Variants in KRT34 observed in about 807,000 individuals in gnomAD.
KRT34 encodes keratin 34.
Under a neutral mutation model 41.7 loss-of-function variants are expected in KRT34, and 31 were observed. The observed-to-expected ratio is 0.74, with a 90% confidence interval of 0.56 to 1.00. The LOEUF (loss-of-function observed/expected upper bound fraction) is 1.00. Ranked by LOEUF, KRT34 falls within the 50% of genes least tolerant of loss-of-function variation. The pLI, the probability that KRT34 is intolerant of heterozygous loss-of-function variation, is 0.00. For synonymous variants in KRT34, 224 were observed against 212.9 expected (o/e 1.05, Z -0.45); for missense variants, 523 against 500.3 (o/e 1.05, Z -0.43).
chr17:41,379,412 T>A lies in KRT34; in HGVS notation c.817A>T (p.Ile273Phe), dbSNP rs539254974. ...EQLQSCQAEIIELRRTVNALE... is the reference protein window; with the variant it reads ...EQLQSCQAEIFELRRTVNALE... ...GCGTTGACTGTGCGTCTCAGCTCGA[T>A]GATCTCCGCCTGGCAGGACTGCAGC... is the stretch of plus-strand genomic sequence containing the variant. Residue 273 changes from isoleucine (I) to phenylalanine (F), a missense_variant, in exon 5 of 7, where the codon ATC becomes TTC. Transcript: ENST00000394001. The A allele has an allele frequency of 5.6e-6, 9 of 1,613,844 alleles. No individual in the cohort carries two copies. Among genetic ancestry groups the A allele is most frequent in the Non-Finnish European group, 7.6e-6 (9 of 1,180,048 alleles).
chr17:41,383,045 A>G (rs2018027814), upstream of KRT34, among the ~76,000 whole-genome samples: 1 of 150,284 alleles, frequency 6.7e-6, no homozygotes. Context: ...TTTGAGACAG[A>G]GTCTCACTCT....
rs190605595 is a variant in KRT34 at position 41,381,224 on chromosome 17, G to A, written c.432-12C>T. The A allele has an allele frequency of 9.3e-6, 15 of 1,609,180 alleles. No individual in the cohort carries two copies. The highest frequency in any genetic ancestry group is 5.5e-5 in the South Asian group (5 of 90,554). On this transcript the variant is annotated splice_polypyrimidine_tract_variant and intron_variant, in intron 2 of 6. Coordinates refer to ENST00000394001, the MANE Select transcript of KRT34 (RefSeq NM_001386014.1). ...GCTCCGTCTGGTACCTGCACGTGTCGGAGTGGGAGGATAAGTCAGGAAAGA... is the reference window on the plus strand; with the variant it reads ...GCTCCGTCTGGTACCTGCACGTGTCAGAGTGGGAGGATAAGTCAGGAAAGA...
At chr17:41,382,969 G>A (rs146991090), upstream of KRT34, among the ~76,000 whole-genome samples, 123 of 152,064 alleles carry the variant, frequency 8.1e-4, no homozygotes, top group African/African-American at 2.8e-3. Context: ...CAGCCCACAC[G>A]TCAAGTTTAC....
In KRT34 at chr17:41,381,179, CACCA is replaced by C; in HGVS notation, c.461_464del (p.Leu154TrpfsTer15). On this transcript the variant is annotated frameshift_variant, in exon 3 of 7. Transcript: ENST00000394001. LOFTEE classifies it high-confidence loss of function. ...TGCGTATGCTGTTGATGTCCGACTC[CACCA>C]ACAGCCTCAGGGACTGCTCCGTCTG... 1 of 1,614,196 alleles carries C rather than the reference CACCA, an allele frequency of 6.2e-7. No homozygotes were observed. The highest frequency in any genetic ancestry group is 8.5e-7 in the Non-Finnish European group (1 of 1,180,030).
At chr17:41,382,352 T>G, upstream of KRT34, 2 of 1,612,264 alleles carry the variant, frequency 1.2e-6, no homozygotes, top group Non-Finnish European at 1.7e-6. Flanking sequence ...TAATTGTGGG[T>G]GGGGGCTTGG....
At chr17:41,379,222 G>T (rs898886072) in intron 5 of KRT34, 46 bp from the exon 6 acceptor site, 2 of 1,611,890 alleles carry the variant, frequency 1.2e-6, no homozygotes, top group Non-Finnish European at 1.7e-6. Context: ...CTCCTTCAAA[G>T]GGTTTCTTCA....
At position 41,377,986 on chromosome 17, in the gene KRT34, T is replaced by G; in HGVS notation, c.*73A>C. On this transcript the variant is annotated 3_prime_UTR_variant, in exon 7 of 7. Coordinates refer to ENST00000394001, the MANE Select transcript of KRT34 (RefSeq NM_001386014.1). Reference sequence around the variant, plus strand: ...TGATGTCAGCTGAGCTCCAGAAAAGTCAGGACTTGAGGATCCTTCCTGTGG... The same window carrying G: ...TGATGTCAGCTGAGCTCCAGAAAAGGCAGGACTTGAGGATCCTTCCTGTGG... 1.8e-6 allele frequency: 2 copies of G among 1,115,324 alleles called. No homozygotes were observed. Among genetic ancestry groups the G allele is most frequent in the Non-Finnish European group, 2.7e-6 (2 of 736,420 alleles). 69.1% of individuals were successfully genotyped at this position (1,115,324 alleles called of 1,614,324 possible).
intron 3 of KRT34, among the ~76,000 whole-genome samples, chr17:41,380,029 G>A (rs1454358479): frequency 6.6e-6 from 1 of 152,202 alleles, no homozygotes; most frequent in Non-Finnish European, 1.5e-5. Flanking sequence ...GGGAGGCAGA[G>A]GCAGGTGGAT....
intron 3 of KRT34, among the ~76,000 whole-genome samples, chr17:41,380,026 A>G (rs1567676421): frequency 6.6e-6 from 1 of 152,244 alleles, no homozygotes; most frequent in East Asian, 1.9e-4. Context: ...TTTGGGAGGC[A>G]GAGGCAGGTG....
rs200529690 is a variant in KRT34, at chr17:41,379,046, T to G, written c.1007A>C (p.Asn336Thr). ...AEIRCDLERQ[N>T]QEYQVLLDVR... ...GTCCAGCAGCACCTGGTACTCCTGG[T>G]TCTGCCGCTCCAGGTCACAGCGGAT... Residue 336 changes from asparagine (N) to threonine (T), a missense_variant, in exon 6 of 7, where the codon AAC (asparagine) becomes ACC (threonine). Asn to Thr is a moderately conservative substitution (Grantham distance 65). Transcript: ENST00000394001. The G allele has an allele frequency of 2.5e-6, 4 of 1,614,106 alleles. No individual in the cohort carries two copies. The African/African-American group carries it at 5.3e-5, about 22-fold the overall frequency.
chr17:41,381,406 A>G (rs2017982278), intron 2 of KRT34, among the ~76,000 whole-genome samples, 194 bp from the exon 3 acceptor site: 1 of 152,192 alleles, frequency 6.6e-6, no homozygotes, highest in Non-Finnish European at 1.5e-5. Flanking sequence ...CGAGGAGCCC[A>G]CAGGCACACA....
At position 41,381,256 on chromosome 17, in the gene KRT34, C is replaced by T. The variant is rs560725535; in HGVS notation, c.432-44G>A. The stretch of plus-strand genomic sequence containing the variant: ...GAGGATAAGTCAGGAAAGAAAACCA[C>T]CTTCCCCTCTCATGTGTTGTTTGGG... On this transcript the variant is annotated intron_variant, in intron 2 of 6. Transcript: ENST00000394001. The T allele has an allele frequency of 2.5e-6, 4 of 1,591,426 alleles. No homozygotes were observed. In the South Asian group the frequency reaches 3.4e-5, roughly 13 times the overall value.
At position 41,382,220 on chromosome 17, in the gene KRT34, G is replaced by T. The variant is rs953860705; in HGVS notation, c.27C>A (p.Ser9Arg). 1 of 1,612,574 alleles carries T rather than the reference G, an allele frequency of 6.2e-7. No individual in the cohort carries two copies. The highest frequency in any genetic ancestry group is 8.5e-7 in the Non-Finnish European group (1 of 1,180,034). Residue 9 changes from serine (S) to arginine (R), a missense_variant, in exon 1 of 7, where the codon AGC becomes AGA. Transcript: ENST00000394001. Reference protein sequence around the residue: MSYSCCLPSLGCRTSCSSR... With the variant: MSYSCCLPRLGCRTSCSSR... ...AGGAGCAGCTGGTGCGGCAGCCCAG[G>T]CTGGGCAGGCAACAACTGTAAGACA...
Position 41,378,143 on chromosome 17 carries a change from G to A in KRT34, c.1101C>T (p.Leu367=), listed in dbSNP as rs777918849. The A allele has an allele frequency of 6.2e-7, 1 of 1,612,546 alleles. No individual in the cohort carries two copies. The highest frequency in any genetic ancestry group is 1.3e-5 in the African/African-American group (1 of 75,008). The change falls in exon 7 of 7, where the codon CTC becomes CTT. Residue 367 remains leucine (L), a synonymous_variant. Transcript: ENST00000394001. ...RSLLESEDCK[L]PCNPCATTNA... ...TGGTGGTGGCGCATGGGTTGCAGGG[G>A]AGCCTAGGAGGACAAGGAGGTTTAG... is the stretch of plus-strand genomic sequence containing the variant.
chr17:41,381,231 G>C lies in KRT34; in HGVS notation c.432-19C>G. The C allele has an allele frequency of 5.0e-6, 8 of 1,608,216 alleles. No individual in the cohort carries two copies. The highest frequency in any genetic ancestry group is 6.8e-6 in the Non-Finnish European group (8 of 1,176,450). On this transcript the variant is annotated intron_variant, in intron 2 of 6. Transcript: ENST00000394001. ...CTGGTACCTGCACGTGTCGGAGTGG[G>C]AGGATAAGTCAGGAAAGAAAACCAC...
intron 5 of KRT34, 56 bp downstream of exon 5, chr17:41,379,297 C>T (rs916160951): frequency 1.5e-5 from 24 of 1,611,494 alleles, no homozygotes; most frequent in African/African-American, 5.3e-5. Context: ...AGCACATCCC[C>T]GGGACTCTGC....
At chr17:41,378,814 T>G (rs1232010691) in intron 6 of KRT34, 142 bp downstream of exon 6, 2 of 1,227,882 alleles carry the variant, frequency 1.6e-6, no homozygotes, top group African/African-American at 2.9e-5. Context: ...GGCCTCCCTT[T>G]GCTTAGCTAT....
Position 41,382,202 on chromosome 17 carries a change from G to T in KRT34, c.45C>A (p.Ser15Arg), listed in dbSNP as rs766918148. The change falls in exon 1 of 7, where the codon AGC becomes AGA. Residue 15 changes from serine (S) to arginine (R), a missense_variant. Transcript: ENST00000394001. ...CCLPSLGCRT[S>R]CSSRPCVPPS... ...GGGGCACGCAGGGCCGGGAGGAGCAGCTGGTGCGGCAGCCCAGGCTGGGCA... is the reference window on the plus strand; with the variant it reads ...GGGGCACGCAGGGCCGGGAGGAGCATCTGGTGCGGCAGCCCAGGCTGGGCA... The T allele has an allele frequency of 6.2e-7, 1 of 1,612,466 alleles. No individual in the cohort carries two copies.
chr17:41,378,694 C>T (rs757102), intron 6 of KRT34, among the ~76,000 whole-genome samples: 32,545 of 152,092 alleles, frequency 0.21, 4,208 homozygotes, highest in South Asian at 0.37. Context: ...CTCTTGAGGT[C>T]TCCTGGAACT....
Sources: gnomAD v4.1 joint callset for allele counts (sites outside exome capture counted in the v4.1 genomes callset) on GRCh38, gnomAD v4.1.1 for gene constraint, MANE v1.5 for transcripts, NCBI Gene and HGNC (gene_info 2026-07-23, HGNC 2026-07-21) for gene names.